Variants in GRID2 observed in about 807,000 individuals in gnomAD.
GRID2 encodes the protein glutamate ionotropic receptor delta type subunit 2.
GRID2 carries 33 observed loss-of-function variants against 114.8 expected under a neutral mutation model. The observed-to-expected ratio is 0.29, with a 90% CI of 0.22 to 0.38. The LOEUF (loss-of-function observed/expected upper bound fraction) is 0.38, where lower values mean the gene tolerates loss of function less well. Ranked by LOEUF, GRID2 falls within the 10% of genes least tolerant of loss-of-function variation. The probability of loss-of-function intolerance (pLI) is 1.00; values close to 1 mark genes in which losing one functional copy is unlikely to be tolerated. For missense variants in GRID2, 1,184 were observed against 1,257.7 expected (o/e 0.94, Z 0.89); for synonymous variants, 505 against 449.9 (o/e 1.12, Z -1.55).
intron 14 of GRID2, among the ~76,000 whole-genome samples, chr4:93,731,470 A>G (rs1285660782): frequency 6.6e-6 from 1 of 152,224 alleles, no homozygotes; most frequent in Non-Finnish European, 1.5e-5. Flanking sequence ...ATGAGACTGT[A>G]CAGCTGTCAT....
chr4:93,023,960 C>A (rs1723640622), intron 2 of GRID2, among the ~76,000 whole-genome samples: 1 of 151,688 alleles, frequency 6.6e-6, no homozygotes, highest in Non-Finnish European at 1.5e-5. Context: ...TAGTGTTTTT[C>A]CTTGGAGTAT....
intron 2 of GRID2, among the ~76,000 whole-genome samples, chr4:92,673,691 TC>T (rs1733186116): frequency 6.6e-6 from 1 of 152,180 alleles, no homozygotes; most frequent in African/African-American, 2.4e-5. Context: ...AAAATTTTGA[TC>T]TATTGAATTC....
intron 2 of GRID2, among the ~76,000 whole-genome samples, chr4:92,979,849 T>A (rs1037963431): frequency 6.6e-6 from 1 of 152,154 alleles, no homozygotes; most frequent in Non-Finnish European, 1.5e-5. Context: ...CAGCTGGCAC[T>A]TATAAAAAAG....
intron 8 of GRID2, among the ~76,000 whole-genome samples, chr4:93,325,427 C>T (rs530613112): frequency 2.6e-5 from 4 of 151,964 alleles, no homozygotes; most frequent in Non-Finnish European, 4.4e-5. Context: ...GCAGTTGGTT[C>T]TATGATAGAC....
At chr4:93,303,554 T>G (rs1755093689) in intron 8 of GRID2, among the ~76,000 whole-genome samples, 1 of 152,208 alleles carries the variant, frequency 6.6e-6, no homozygotes, top group South Asian at 2.1e-4. Context: ...TATCAGGCTC[T>G]CATCACATCA....
chr4:92,326,634 A>G (rs1579184552), intron 1 of GRID2, among the ~76,000 whole-genome samples: 5 of 152,130 alleles, frequency 3.3e-5, no homozygotes, highest in Admixed American at 1.3e-4. Context: ...TCAGAGTAAC[A>G]TTTATTAAGT....
chr4:92,340,965 G>C (rs941726329), intron 1 of GRID2, among the ~76,000 whole-genome samples: 4 of 151,860 alleles, frequency 2.6e-5, no homozygotes, highest in Admixed American at 6.6e-5. Context: ...TGTAAAGGGG[G>C]TTCTTAAACC....
chr4:92,983,790 T>C (rs944410979), intron 2 of GRID2, among the ~76,000 whole-genome samples: 2 of 152,138 alleles, frequency 1.3e-5, no homozygotes, highest in African/African-American at 4.8e-5. Flanking sequence ...AATTAGTCTC[T>C]ACTATAAGGG....
intron 13 of GRID2, among the ~76,000 whole-genome samples, chr4:93,557,708 G>A (rs556649727): frequency 2.5e-4 from 38 of 152,152 alleles, no homozygotes; most frequent in Non-Finnish European, 4.0e-4. Flanking sequence ...GGATATTTAG[G>A]ACTTGAAGTC....
At chr4:92,443,700 T>C (rs1438996847) in intron 1 of GRID2, among the ~76,000 whole-genome samples, 2 of 150,880 alleles carry the variant, frequency 1.3e-5, no homozygotes, top group East Asian at 2.0e-4. Context: ...TGAGAAGGGG[T>C]AGAGACAAGG....
At chr4:93,528,163 T>A (rs1204278713) in intron 13 of GRID2, among the ~76,000 whole-genome samples, 1 of 151,752 alleles carries the variant, frequency 6.6e-6, no homozygotes, top group Non-Finnish European at 1.5e-5. Flanking sequence ...TATATATATA[T>A]GTATATACAT....
Position 92,601,937 on chromosome 4 carries a change from A to G in GRID2, c.244+11651A>G, listed in dbSNP as rs191590496. Among the ~76,000 whole-genome samples, 1,124 of 152,182 alleles carry G rather than the reference A, an allele frequency of 7.4e-3. 6 individuals carry two copies. Among genetic ancestry groups the G allele is most frequent in the Middle Eastern group, 0.031 (9 of 294 alleles). On this transcript the variant is annotated intron_variant, in intron 2 of 15. Transcript: ENST00000282020. ...AAGAAATGGATAAATTCCTGGACAC[A>G]TACCCCCTCGCAAGACTGAACCAGG... is the stretch of plus-strand genomic sequence containing the variant.
At chr4:92,842,960 C>G (rs2149412084) in intron 2 of GRID2, among the ~76,000 whole-genome samples, 1 of 152,186 alleles carries the variant, frequency 6.6e-6, no homozygotes, top group East Asian at 1.9e-4. Flanking sequence ...GAATTAAAGC[C>G]AGGCATGGTG....
intron 8 of GRID2, among the ~76,000 whole-genome samples, chr4:93,286,694 G>GTGT (rs1561087012): frequency 4.7e-5 from 7 of 148,192 alleles, no homozygotes; most frequent in African/African-American, 7.7e-5. Context: ...TGTGTGTGGG[G>GTGT]GTGTGTGTGT....
chr4:93,340,321 CTTTCTT>C (rs5860326), intron 8 of GRID2, among the ~76,000 whole-genome samples: 35,766 of 145,630 alleles, frequency 0.25, 6,920 homozygotes, highest in African/African-American at 0.54. Context: ...TTCTGTCTGT[CTTTCTT>C]TTTCTTAAAG....
chr4:93,613,838 A>G (rs1741263347), intron 13 of GRID2, among the ~76,000 whole-genome samples: 1 of 151,754 alleles, frequency 6.6e-6, no homozygotes, highest in East Asian at 1.9e-4. Context: ...GGTGGGCTCC[A>G]CCCAGTTCGA....
intron 1 of GRID2, among the ~76,000 whole-genome samples, chr4:92,438,196 T>C (rs925052050): frequency 6.6e-5 from 10 of 152,266 alleles, no homozygotes; most frequent in Middle Eastern, 3.4e-3. Context: ...CCTTTTTTTT[T>C]CCTCTTAATA....
At chr4:92,659,194 T>A (rs1467501551) in intron 2 of GRID2, among the ~76,000 whole-genome samples, 7 of 151,692 alleles carry the variant, frequency 4.6e-5, no homozygotes, top group African/African-American at 1.7e-4. Context: ...CTAAATCATA[T>A]AAAGCCAAAT....
At chr4:92,589,780 G>C (rs1188749592) in intron 1 of GRID2, among the ~76,000 whole-genome samples, 7 of 152,062 alleles carry the variant, frequency 4.6e-5, no homozygotes, top group Non-Finnish European at 1.0e-4. Context: ...CTTTTATTCA[G>C]AAAAGAAATC....
Sources: allele counts gnomAD v4.1 joint callset (sites outside exome capture counted in the v4.1 genomes callset), GRCh38; gene constraint gnomAD v4.1.1; transcripts MANE v1.5; gene names NCBI Gene and HGNC (gene_info 2026-07-23, HGNC 2026-07-21).